The following NFATC2 variants were observed in gnomAD, a reference collection of about 807,000 sequenced individuals.
NFATC2 encodes the protein nuclear factor of activated T cells 2.
Under a neutral mutation model 87.3 loss-of-function variants are expected in NFATC2, and 22 were observed. The ratio of observed to expected loss-of-function variants is 0.25; its 90% CI spans 0.18 to 0.36. The LOEUF (loss-of-function observed/expected upper bound fraction) is 0.36. Among genes scored for constraint, NFATC2 ranks in the 10% least tolerant of loss-of-function variants. The probability of loss-of-function intolerance (pLI) is 1.00; values close to 1 mark genes in which losing one functional copy is unlikely to be tolerated. For missense variants in NFATC2, 1,149 were observed against 1,259.1 expected (o/e 0.91, Z 1.32); for synonymous variants, 565 against 542.2 (o/e 1.04, Z -0.58).
At chr20:51,483,454 G>T (rs1052237243) in intron 3 of NFATC2, among the ~76,000 whole-genome samples, 7 of 152,026 alleles carry the variant, frequency 4.6e-5, no homozygotes, top group Admixed American at 3.9e-4. Flanking sequence ...CCGAGCGGGA[G>T]GGTACCGGGG....
chr20:51,465,333 T>C (rs778625855), intron 5 of NFATC2, among the ~76,000 whole-genome samples: 3 of 152,130 alleles, frequency 2.0e-5, no homozygotes, highest in South Asian at 2.1e-4. Context: ...TGAGCCAAGA[T>C]TGCACCACTG....
Position 51,435,781 on chromosome 20 carries a change from A to G in NFATC2, c.1850-20T>C, listed in dbSNP as rs1983474549. ...GTCCATCTAGAAAAATTCAAAAATGACAGACTTTGAAGGAACTATTAGAAA... is the reference window on the plus strand; with the variant it reads ...GTCCATCTAGAAAAATTCAAAAATGGCAGACTTTGAAGGAACTATTAGAAA... On this transcript the variant is annotated intron_variant, in intron 6 of 10. Transcript: ENST00000371564. 2 of 1,582,852 alleles carry G rather than the reference A, an allele frequency of 1.3e-6. No homozygotes were observed. The highest frequency in any genetic ancestry group is 1.2e-5 in the South Asian group (1 of 86,852).
At chr20:51,505,522 A>G (rs2146647091) in intron 3 of NFATC2, among the ~76,000 whole-genome samples, 1 of 152,100 alleles carries the variant, frequency 6.6e-6, no homozygotes, top group South Asian at 2.1e-4. Flanking sequence ...CTGTGTATAC[A>G]TATACACATG....
chr20:51,523,602 G>T lies in NFATC2; in HGVS notation c.639C>A (p.Ser213=). The change falls in exon 2 of 11, where the codon TCC becomes TCA. Residue 213 remains serine, a synonymous_variant. Transcript: ENST00000371564. This position sits in a 1 kb window ranked among gnomAD's most constrained non-coding sequence, Gnocchi z 6.9. ...PQFQNIPAHY[S]PRTSPIMSPR... ...GTGACATTATTGGCGAGGTTCTGGG[G>T]GAATAATGAGCAGGGATGTTTTGAA... The T allele has an allele frequency of 1.2e-6, 2 of 1,613,950 alleles. No homozygotes were observed.
chr20:51,436,746 ATAAG>A (rs1983643172), intron 6 of NFATC2, among the ~76,000 whole-genome samples: 1 of 152,040 alleles, frequency 6.6e-6, no homozygotes, highest in Non-Finnish European at 1.5e-5. Context: ...AAACAAATAA[ATAAG>A]TAAATAAATA....
intron 10 of NFATC2, among the ~76,000 whole-genome samples, chr20:51,392,556 G>GT (rs150072066): frequency 0.014 from 2,208 of 152,288 alleles, 52 homozygotes; most frequent in African/African-American, 0.051. Context: ...GCTCCCTAAG[G>GT]TATGTCTACA....
intron 9 of NFATC2, among the ~76,000 whole-genome samples, chr20:51,422,596 G>A (rs143009244): frequency 0.014 from 2,110 of 148,152 alleles, 28 homozygotes; most frequent in Non-Finnish European, 0.021. Context: ...CTGAAAGGGT[G>A]GAAACTAAAG....
At chr20:51,430,428 A>G (rs1321027880) in intron 9 of NFATC2, among the ~76,000 whole-genome samples, 1 of 152,232 alleles carries the variant, frequency 6.6e-6, no homozygotes, top group Admixed American at 6.5e-5. Context: ...AAATTGTTCA[A>G]GGATGGATTG....
At chr20:51,427,548 T>G (rs772957060) in intron 9 of NFATC2, among the ~76,000 whole-genome samples, 3 of 152,160 alleles carry the variant, frequency 2.0e-5, no homozygotes, top group Admixed American at 6.5e-5. Context: ...CCCCCTTTTT[T>G]CAACCCTTGA....
chr20:51,561,721 G>A (rs777188724), intron 1 of NFATC2, among the ~76,000 whole-genome samples: 5 of 152,096 alleles, frequency 3.3e-5, no homozygotes, highest in Non-Finnish European at 7.4e-5. Flanking sequence ...GCCAGGCCCT[G>A]CAGCCCCCAA....
At chr20:51,493,562 C>T (rs1050388675) in intron 3 of NFATC2, among the ~76,000 whole-genome samples, 13 of 152,182 alleles carry the variant, frequency 8.5e-5, no homozygotes, top group African/African-American at 2.9e-4. Context: ...CTTTCCACCC[C>T]GACTATGAGT....
At chr20:51,540,756 T>TAA (rs2076804110) in intron 1 of NFATC2, among the ~76,000 whole-genome samples, 1 of 146,536 alleles carries the variant, frequency 6.8e-6, no homozygotes, top group Admixed American at 7.0e-5. Context: ...AGAAAAACCA[T>TAA]AAAAAGTACC....
At chr20:51,437,798 C>T (rs532870886) in intron 6 of NFATC2, among the ~76,000 whole-genome samples, 2 of 152,282 alleles carry the variant, frequency 1.3e-5, no homozygotes, top group African/African-American at 4.8e-5. Context: ...CCCTTGGTCC[C>T]TGCTGAAGGG....
chr20:51,423,942 G>A (rs1044210659), intron 9 of NFATC2, among the ~76,000 whole-genome samples: 11 of 152,184 alleles, frequency 7.2e-5, no homozygotes, highest in Non-Finnish European at 1.3e-4. Context: ...GTCTGGAGTC[G>A]GCTGGAACGT....
chr20:51,404,700 C>A (rs1988383242), intron 9 of NFATC2, among the ~76,000 whole-genome samples: 1 of 152,218 alleles, frequency 6.6e-6, no homozygotes, highest in African/African-American at 2.4e-5. Flanking sequence ...TCTGCATTTT[C>A]AGAATGGGCA....
intron 3 of NFATC2, among the ~76,000 whole-genome samples, chr20:51,500,607 G>T (rs368403277): frequency 1.4e-5 from 2 of 147,902 alleles, no homozygotes; most frequent in South Asian, 4.4e-4. Context: ...AGGCAGAAGA[G>T]GAAGCCAAGA....
chr20:51,492,826 C>T (rs1023282753), intron 3 of NFATC2, among the ~76,000 whole-genome samples: 4 of 152,242 alleles, frequency 2.6e-5, no homozygotes, highest in African/African-American at 9.6e-5. Flanking sequence ...TTTCAACTGC[C>T]TCCAAGTGAG....
At chr20:51,397,510 A>G (rs1987349262) in intron 10 of NFATC2, among the ~76,000 whole-genome samples, 1 of 152,256 alleles carries the variant, frequency 6.6e-6, no homozygotes, top group Non-Finnish European at 1.5e-5. Flanking sequence ...CACATTAAAA[A>G]GGCATCGCCC....
rs114487599 is a variant in NFATC2, at chr20:51,507,980, C to T, written c.1332+8804G>A. 6.7e-3 allele frequency among the ~76,000 whole-genome samples: 1,016 copies of T among 152,328 alleles called. 15 individuals are homozygous for T. Among genetic ancestry groups the T allele is most frequent in the African/African-American group, 0.023 (957 of 41,580 alleles). ...ATTATGCCACCCTGCCCAGCACACA[C>T]GAGGGCCCCAACATTTATTTGTGAC... On this transcript the variant is annotated intron_variant, in intron 3 of 10. Coordinates refer to ENST00000371564, the MANE Select transcript of NFATC2 (RefSeq NM_012340.5).
Sources: gnomAD v4.1 joint callset for allele counts (sites outside exome capture counted in the v4.1 genomes callset) on GRCh38, gnomAD v4.1.1 for gene constraint, Gnocchi (gnomAD v3.1) non-coding constraint, MANE v1.5 for transcripts, NCBI Gene and HGNC (gene_info 2026-07-23, HGNC 2026-07-21) for gene names.